ZNF84: variants seen among roughly 807,000 people sequenced by gnomAD.
The protein encoded by ZNF84 is zinc finger protein 84.
In ZNF84, 12 loss-of-function variants were observed where a neutral mutation model predicts 14.8. The observed-to-expected ratio is 0.81, with a 90% CI of 0.52 to 1.31. The LOEUF is 1.31. Among genes scored for constraint, ZNF84 ranks in the 50% most tolerant of loss-of-function variants. The pLI is 0.00. For synonymous variants in ZNF84, 347 were observed against 291.1 expected (o/e 1.19, Z -1.96); for missense variants, 859 against 878.6 (o/e 0.98, Z 0.28).
At chr12:133,043,398 C>A (rs1257622982) in intron 2 of ZNF84, among the ~76,000 whole-genome samples, 1 of 152,132 alleles carries the variant, frequency 6.6e-6, no homozygotes, top group African/African-American at 2.4e-5. Context: ...CTCCTGAGCT[C>A]AGGCAATCCG....
chr12:133,048,766 G>A lies in ZNF84; in HGVS notation c.156G>A (p.Met52Ile), dbSNP rs1407570235. 3 of 1,613,608 alleles carry A rather than the reference G, an allele frequency of 1.9e-6. No individual in the cohort carries two copies. Among genetic ancestry groups the A allele is most frequent in the African/African-American group, 1.3e-5 (1 of 74,914 alleles). ...SSLVSLGYEV[M>I]KPDVIFKLEQ... ...TTCCCTTAACAGGGTATGAAGTTAT[G>A]AAACCAGATGTCATCTTCAAATTGG... Residue 52 changes from methionine (M) to isoleucine (I), a missense_variant, in exon 4 of 5, where the codon ATG becomes ATA. Met to Ile is a conservative substitution (Grantham distance 10). Coordinates refer to ENST00000539354, the MANE Select transcript of ZNF84 (RefSeq NM_001289971.2).
At position 133,048,855 on chromosome 12, in the gene ZNF84, G is replaced by T; in HGVS notation, c.238+7G>T. ...CCAAGTTCAGATTCTCCAGGTGAGT[G>T]TATGAGAACCAGGCAGATGGGAGAG... On this transcript the variant is annotated splice_region_variant and intron_variant, in intron 4 of 4. Transcript: ENST00000539354. 1 of 1,609,834 alleles carries T rather than the reference G, an allele frequency of 6.2e-7. No individual in the cohort carries two copies. Among genetic ancestry groups the T allele is most frequent in the Non-Finnish European group, 8.5e-7 (1 of 1,176,824 alleles).
chr12:133,042,899 A>G (rs1438197385), intron 2 of ZNF84, among the ~76,000 whole-genome samples: 1 of 152,230 alleles, frequency 6.6e-6, no homozygotes, highest in African/African-American at 2.4e-5. Flanking sequence ...CTTAGCCCAG[A>G]TGAGTCCCTT....
chr12:133,060,735 A>G lies in ZNF84; in HGVS notation c.*1803A>G, dbSNP rs2137436492. The G allele has an allele frequency of 6.6e-6, 1 of 152,344 alleles. No homozygotes were observed. Among genetic ancestry groups the G allele is most frequent in the East Asian group, 1.9e-4 (1 of 5,192 alleles). The allele number at this position is 152,344 out of a possible 1,614,324, so 9.4% of individuals were successfully genotyped here. ...GAAATGTATTTGACTTTGTTTCACT[A>G]GTTGCATTATCCCCATGGAAAACTT... On this transcript the variant is annotated 3_prime_UTR_variant, in exon 5 of 5. Coordinates refer to ENST00000539354, the MANE Select transcript of ZNF84 (RefSeq NM_001289971.2).
chr12:133,039,756 G>A (rs1205119744), intron 1 of ZNF84, among the ~76,000 whole-genome samples: 1 of 152,012 alleles, frequency 6.6e-6, no homozygotes, highest in Admixed American at 6.6e-5. Flanking sequence ...CAGAAATTGA[G>A]GCTTTGAAGG....
At position 133,063,131 on chromosome 12, in the gene ZNF84, G is replaced by T; in HGVS notation, c.*4199G>T. On this transcript the variant is annotated 3_prime_UTR_variant, in exon 5 of 5. Transcript: ENST00000539354. ...AAACATGGTCTGCAGTGAGAGAGAA[G>T]AATGAAGCCATGATGAAAGCAAAAT... 1 of 702,384 alleles carries T rather than the reference G, an allele frequency of 1.4e-6. No individual in the cohort carries two copies. Among genetic ancestry groups the T allele is most frequent in the Non-Finnish European group, 2.6e-6 (1 of 384,836 alleles). 43.5% of individuals were successfully genotyped at this position (702,384 alleles called of 1,614,324 possible).
rs1244782511 is a variant in ZNF84 at position 133,061,461 on chromosome 12, T to G, written c.*2529T>G. ...GCCTGGGCGACAGAGCGAGCCTCTG[T>G]CAAAAAAAGAAAAGAAAAAGAACTT... On this transcript the variant is annotated 3_prime_UTR_variant, in exon 5 of 5. Coordinates refer to ENST00000539354, the MANE Select transcript of ZNF84 (RefSeq NM_001289971.2). 1.3e-5 allele frequency: 2 copies of G among 152,120 alleles called. No individual in the cohort carries two copies. The allele number at this position is 152,120 out of a possible 1,614,324, so 9.4% of individuals were successfully genotyped here.
In ZNF84 at chr12:133,057,708, G is replaced by A; in HGVS notation, c.993G>A (p.Lys331=). ...CNECGRAFSE[K]SNLINHQRIH... is the part of the protein sequence containing the mutation. Reference sequence around the variant, plus strand: ...AATGTGGGAGGGCCTTTAGTGAAAAGTCCAATCTCATTAACCATCAGAGAA... The same window carrying A: ...AATGTGGGAGGGCCTTTAGTGAAAAATCCAATCTCATTAACCATCAGAGAA... The change falls in exon 5 of 5, where the codon AAG becomes AAA. Residue 331 remains lysine (K), a synonymous_variant. Transcript: ENST00000539354. 1 of 1,613,956 alleles carries A rather than the reference G, an allele frequency of 6.2e-7. No homozygotes were observed. The highest frequency in any genetic ancestry group is 8.5e-7 in the Non-Finnish European group (1 of 1,179,984).
At chr12:133,056,091 A>G (rs1429375499) in intron 4 of ZNF84, among the ~76,000 whole-genome samples, 2 of 152,198 alleles carry the variant, frequency 1.3e-5, no homozygotes, top group East Asian at 3.8e-4. Flanking sequence ...GAAACAATAC[A>G]CAAAATATTT....
intron 1 of ZNF84, 104 bp from the exon 2 acceptor site, chr12:133,041,174 G>A (rs1318736569): frequency 1.7e-5 from 7 of 414,490 alleles, no homozygotes; most frequent in South Asian, 6.9e-5. Context: ...TATAGCAAGC[G>A]TACCTCTGGC....
chr12:133,037,654 CGCGCGCGGAT>C (rs1387420947), intron 1 of ZNF84, 109 bp downstream of exon 1: 15 of 146,746 alleles, frequency 1.0e-4, no homozygotes, highest in African/African-American at 3.7e-4. Flanking sequence ...CCTGGGCGTC[CGCGCGCGGAT>C]GCGGGTCTGG....
Position 133,058,398 on chromosome 12 carries a change from T to C in ZNF84, c.1683T>C (p.His561=). 6.2e-7 allele frequency: 1 copy of C among 1,613,938 alleles called. No individual in the cohort carries two copies. The highest frequency in any genetic ancestry group is 8.5e-7 in the Non-Finnish European group (1 of 1,179,984). Residue 561 remains histidine, a synonymous_variant, in exon 5 of 5, where the codon CAT becomes CAC. Transcript: ENST00000539354. Reference sequence around the variant, plus strand: ...GTGAGAAGTCAAGTCTTGCAACTCATCAGAGAACTCATACTGGAGAAAAAC... The same window carrying C: ...GTGAGAAGTCAAGTCTTGCAACTCACCAGAGAACTCATACTGGAGAAAAAC... ...AFGEKSSLAT[H]QRTHTGEKPY... is the part of the protein sequence containing the mutation.
chr12:133,046,363 T>G (rs1282021868), intron 2 of ZNF84, among the ~76,000 whole-genome samples: 94 of 30,088 alleles, frequency 3.1e-3, no homozygotes, highest in Non-Finnish European at 6.0e-3. Flanking sequence ...TTTTTTTTTT[T>G]TTTTTTTTTT....
chr12:133,038,796 A>G (rs780837003), intron 1 of ZNF84: 34 of 152,084 alleles, frequency 2.2e-4, no homozygotes, highest in African/African-American at 5.3e-4. Flanking sequence ...TGATATTCCT[A>G]CATATTTTAT....
At chr12:133,054,671 C>A (rs1170599091) in intron 4 of ZNF84, among the ~76,000 whole-genome samples, 3 of 147,388 alleles carry the variant, frequency 2.0e-5, no homozygotes, top group African/African-American at 5.0e-5. Context: ...AATCATTTTA[C>A]AACATAAACA....
chr12:133,041,382 C>T lies in ZNF84; in HGVS notation c.-86C>T. 1.5e-6 allele frequency: 2 copies of T among 1,372,460 alleles called. No individual in the cohort carries two copies. Among genetic ancestry groups the T allele is most frequent in the Non-Finnish European group, 2.1e-6 (2 of 963,032 alleles). 85.0% of individuals were successfully genotyped at this position (1,372,460 alleles called of 1,614,324 possible). On this transcript the variant is annotated 5_prime_UTR_variant, in exon 2 of 5. Transcript: ENST00000539354. Reference sequence around the variant, plus strand: ...AGTGTAGAAGACCTAGCTGAGACCTCACTCCACAGTTTTGGGGCAGAAGCA... The same window carrying T: ...AGTGTAGAAGACCTAGCTGAGACCTTACTCCACAGTTTTGGGGCAGAAGCA...
intron 4 of ZNF84, among the ~76,000 whole-genome samples, chr12:133,056,467 A>G (rs1593712377): frequency 6.6e-6 from 1 of 151,954 alleles, no homozygotes; most frequent in Admixed American, 6.5e-5. Context: ...GTTAGACAGG[A>G]TGGTCTCGAT....
At position 133,057,303 on chromosome 12, in the gene ZNF84, A is replaced by G; in HGVS notation, c.588A>G (p.Ile196Met). 2 of 1,613,352 alleles carry G rather than the reference A, an allele frequency of 1.2e-6. No homozygotes were observed. Among genetic ancestry groups the G allele is most frequent in the East Asian group, 2.2e-5 (1 of 44,888 alleles). Residue 196 changes from isoleucine (I) to methionine (M), a missense_variant, in exon 5 of 5, where the codon ATA (isoleucine) becomes ATG (methionine). By Grantham distance (10) the Ile-to-Met change is conservative. Transcript: ENST00000539354. ...GCTATAAAAAGTCACAGATTATCAT[A>G]TATCATAGAAATCGTTTAGGGGAGA... Reference protein sequence around the residue: ...KESYKKSQIIIYHRNRLGEKL... With the variant: ...KESYKKSQIIMYHRNRLGEKL...
chr12:133,057,167 G>A lies in ZNF84; in HGVS notation c.452G>A (p.Gly151Glu). 1.9e-6 allele frequency: 3 copies of A among 1,611,096 alleles called. No homozygotes were observed. The highest frequency in any genetic ancestry group is 1.7e-6 in the Non-Finnish European group (2 of 1,179,266). The change falls in exon 5 of 5, where the codon GGA becomes GAA. Residue 151 changes from glycine (G) to glutamate (E), a missense_variant. Physicochemically the swap from Gly to Glu is moderately conservative, Grantham distance 98. Coordinates refer to ENST00000539354, the MANE Select transcript of ZNF84 (RefSeq NM_001289971.2). The part of the protein sequence containing the change: ...LDLLIPKGDY[G>E]KAESDDFNVF... ...TTGCTTATTCCAAAAGGAGATTATG[G>A]AAAAGCAGAATCAGATGACTTTAAT...
Sources: gnomAD v4.1 joint callset for allele counts (sites outside exome capture counted in the v4.1 genomes callset) on GRCh38, gnomAD v4.1.1 for gene constraint, MANE v1.5 for transcripts, NCBI Gene and HGNC (gene_info 2026-07-23, HGNC 2026-07-21) for gene names.